MAD1L1: variants seen among roughly 807,000 people sequenced by gnomAD.
MAD1L1 encodes the protein mitotic spindle assembly checkpoint protein MAD1.
MAD1L1 carries 95 observed loss-of-function variants against 96.9 expected under a neutral mutation model. The ratio of observed to expected loss-of-function variants is 0.98; its 90% CI spans 0.83 to 1.16. MAD1L1 has a LOEUF of 1.16. MAD1L1 is among the 50% of genes most tolerant of loss of function. The pLI, the probability that MAD1L1 is intolerant of heterozygous loss-of-function variation, is 0.00. For missense variants in MAD1L1, 1,007 were observed against 954.4 expected (o/e 1.06, Z -0.73); for synonymous variants, 473 against 396.6 (o/e 1.19, Z -2.29).
chr7:1,948,827 T>A (rs1301923750), intron 16 of MAD1L1, among the ~76,000 whole-genome samples: 1 of 152,136 alleles, frequency 6.6e-6, no homozygotes, highest in Non-Finnish European at 1.5e-5. Flanking sequence ...CCAGGGGCTG[T>A]GCCTGTGGTG....
chr7:2,120,493 G>A (rs1357814098), intron 11 of MAD1L1, among the ~76,000 whole-genome samples: 1 of 152,208 alleles, frequency 6.6e-6, no homozygotes, highest in African/African-American at 2.4e-5. Context: ...GCCTGGCACA[G>A]GGAGGAGGCA....
intron 11 of MAD1L1, among the ~76,000 whole-genome samples, chr7:2,097,669 G>C (rs920314831): frequency 6.6e-6 from 1 of 152,182 alleles, no homozygotes; most frequent in African/African-American, 2.4e-5. Flanking sequence ...CAGGCCTCTG[G>C]AGGTGCAGAA....
intron 18 of MAD1L1, among the ~76,000 whole-genome samples, chr7:1,817,657 G>C (rs1208454611): frequency 6.6e-6 from 1 of 152,200 alleles, no homozygotes; most frequent in African/African-American, 2.4e-5. Context: ...TGAATGTGCC[G>C]GGAGGAACGG....
chr7:2,149,365 C>CT, intron 10 of MAD1L1, 127 bp from the exon 11 acceptor site: 1 of 759,410 alleles, frequency 1.3e-6, no homozygotes, highest in South Asian at 1.6e-5. Flanking sequence ...TGTGTGAACT[C>CT]TGTGGACCCA....
intron 18 of MAD1L1, among the ~76,000 whole-genome samples, chr7:1,850,776 T>C (rs1172421507): frequency 6.6e-6 from 1 of 152,176 alleles, no homozygotes; most frequent in Non-Finnish European, 1.5e-5. Context: ...CAGCAGTGAT[T>C]GCGACAACAG....
intron 18 of MAD1L1, among the ~76,000 whole-genome samples, chr7:1,857,296 T>C (rs1182346069): frequency 6.6e-6 from 1 of 152,008 alleles, no homozygotes; most frequent in Non-Finnish European, 1.5e-5. Context: ...AGCCTCTGAC[T>C]CAGTGCTCAG....
At chr7:1,884,087 C>T (rs1785857068) in intron 18 of MAD1L1, among the ~76,000 whole-genome samples, 1 of 152,112 alleles carries the variant, frequency 6.6e-6, no homozygotes, top group Admixed American at 6.5e-5. Flanking sequence ...GAGCATGTGG[C>T]CAACAGGAGG....
At chr7:1,829,450 A>G (rs570901532) in intron 18 of MAD1L1, 2 of 152,408 alleles carry the variant, frequency 1.3e-5, no homozygotes, top group South Asian at 2.1e-4. Flanking sequence ...CGACGGCCAC[A>G]TGGGTGTACC....
intron 10 of MAD1L1, among the ~76,000 whole-genome samples, chr7:2,205,636 T>A (rs1792560812): frequency 6.6e-6 from 1 of 152,172 alleles, no homozygotes; most frequent in South Asian, 2.1e-4. Context: ...TTATCTCGCG[T>A]CCACCTCCCT....
chr7:1,929,437 C>T (rs899561922), intron 17 of MAD1L1, among the ~76,000 whole-genome samples: 1 of 152,166 alleles, frequency 6.6e-6, no homozygotes, highest in East Asian at 1.9e-4. Context: ...AGAGCCAGCA[C>T]GGGAGGCCGG....
At chr7:1,939,670 G>T (rs1234231141) in intron 16 of MAD1L1, among the ~76,000 whole-genome samples, 1 of 152,242 alleles carries the variant, frequency 6.6e-6, no homozygotes, top group Non-Finnish European at 1.5e-5. Flanking sequence ...TCTCCCAGAG[G>T]GGAACAGGGA....
chr7:2,073,028 A>G, intron 11 of MAD1L1, among the ~76,000 whole-genome samples: 1 of 152,244 alleles, frequency 6.6e-6, no homozygotes, highest in East Asian at 1.9e-4. Flanking sequence ...GCCAGGGGCC[A>G]AGACTGGGTC....
At chr7:2,139,577 C>T (rs1788925148) in intron 11 of MAD1L1, among the ~76,000 whole-genome samples, 1 of 152,056 alleles carries the variant, frequency 6.6e-6, no homozygotes, top group Non-Finnish European at 1.5e-5. Context: ...GGGCTGGGGC[C>T]AAAGGCAGAC....
intron 11 of MAD1L1, among the ~76,000 whole-genome samples, chr7:2,105,844 G>A (rs1374322437): frequency 1.3e-5 from 2 of 151,910 alleles, no homozygotes; most frequent in Non-Finnish European, 2.9e-5. Context: ...CCGCTCCCCA[G>A]CTCCAGGGTA....
At chr7:1,953,516 C>G (rs1349018790) in intron 16 of MAD1L1, among the ~76,000 whole-genome samples, 1 of 152,242 alleles carries the variant, frequency 6.6e-6, no homozygotes, top group East Asian at 1.9e-4. Flanking sequence ...ACGGCTGGAG[C>G]ACGGGCTTCA....
At chr7:2,190,978 A>G (rs778069864) in intron 10 of MAD1L1, among the ~76,000 whole-genome samples, 11 of 152,368 alleles carry the variant, frequency 7.2e-5, no homozygotes, top group Non-Finnish European at 1.0e-4. Flanking sequence ...GTATTATCCC[A>G]AGAGACAGGA....
At chr7:2,164,485 C>T (rs1766430284) in intron 10 of MAD1L1, among the ~76,000 whole-genome samples, 1 of 150,270 alleles carries the variant, frequency 6.7e-6, no homozygotes, top group African/African-American at 2.5e-5. Flanking sequence ...ATCGCCCGAG[C>T]AGGGGCAGAC....
intron 10 of MAD1L1, among the ~76,000 whole-genome samples, chr7:2,179,957 G>A (rs929214430): frequency 6.8e-6 from 1 of 148,024 alleles, no homozygotes; most frequent in Non-Finnish European, 1.5e-5. Flanking sequence ...GGCAACAAGA[G>A]CAAAACTCCG....
chr7:1,895,053 C>T (rs573893361), intron 18 of MAD1L1, among the ~76,000 whole-genome samples: 4 of 152,122 alleles, frequency 2.6e-5, no homozygotes, highest in African/African-American at 7.2e-5. Flanking sequence ...GGGAAGCCAG[C>T]GGAAGAAGGG....
Sources: allele counts gnomAD v4.1 joint callset (sites outside exome capture counted in the v4.1 genomes callset), GRCh38; gene constraint gnomAD v4.1.1; transcripts MANE v1.5; gene names NCBI Gene and HGNC (gene_info 2026-07-23, HGNC 2026-07-21).